MIER3: variants seen among roughly 807,000 people sequenced by gnomAD.
MIER3 encodes the protein MIER family member 3.
Under a neutral mutation model 63.2 loss-of-function variants are expected in MIER3, and 9 were observed. The observed-to-expected ratio is 0.14, with a 90% CI of 0.09 to 0.25. The LOEUF is 0.25. Among genes scored for constraint, MIER3 ranks in the 10% least tolerant of loss-of-function variants. The probability of loss-of-function intolerance (pLI) is 1.00; values close to 1 mark genes in which losing one functional copy is unlikely to be tolerated. For synonymous variants in MIER3, 205 were observed against 224.9 expected, an observed-to-expected ratio of 0.91 and a Z score of 0.79; for missense variants, 512 against 666.2, an observed-to-expected ratio of 0.77 and a Z score of 2.55.
rs1294090521 is a variant in MIER3 at position 56,928,752 on chromosome 5, A to C, written c.924+15T>G. The C allele has an allele frequency of 6.3e-7, 1 of 1,574,896 alleles. No homozygotes were observed. The highest frequency in any genetic ancestry group is 8.7e-7 in the Non-Finnish European group (1 of 1,146,160). ...TGTAACTAGTAATTTATCTGTACTA[A>C]TCTGCCTAATTTACCTTATTCTTCT... On this transcript the variant is annotated intron_variant, in intron 10 of 12. Transcript: ENST00000381199.
intron 9 of MIER3, among the ~76,000 whole-genome samples, chr5:56,929,838 T>C (rs1187825275): frequency 6.6e-6 from 1 of 152,182 alleles, no homozygotes; most frequent in Non-Finnish European, 1.5e-5. Flanking sequence ...CTCATCTGTA[T>C]CTCTGAAGTG....
At chr5:56,926,127 T>C (rs1749968702) in intron 10 of MIER3, among the ~76,000 whole-genome samples, 1 of 151,988 alleles carries the variant, frequency 6.6e-6, no homozygotes. Context: ...TAAATGTAAA[T>C]GCAAAACTAT....
In MIER3 at chr5:56,941,515, C is replaced by CA. The variant is rs112221570; in HGVS notation, c.181-2499dup. ...CCAGTCCCATGAAGAGTATTCCAGG[C>CA]AAAAAAAAAAGACATATGTGAGGCC... On this transcript the variant is annotated intron_variant, in intron 3 of 12. Transcript: ENST00000381199. The CA allele has an allele frequency of 1.1e-3, 157 of 143,808 alleles. 2 individuals carry two copies. The highest frequency in any genetic ancestry group is 1.1e-3 in the South Asian group (5 of 4,528). The allele number at this position is 143,808 out of a possible 1,614,324, so 8.9% of individuals were successfully genotyped here.
At chr5:56,924,830 A>C (rs1157811526) in intron 10 of MIER3, among the ~76,000 whole-genome samples, 1 of 152,246 alleles carries the variant, frequency 6.6e-6, no homozygotes, top group Non-Finnish European at 1.5e-5. Context: ...CCCGATAAAG[A>C]AGTTTCAGTA....
At chr5:56,927,507 G>C (rs1229371810) in intron 10 of MIER3, among the ~76,000 whole-genome samples, 1 of 152,076 alleles carries the variant, frequency 6.6e-6, no homozygotes, top group East Asian at 1.9e-4. Context: ...GAAATAAACA[G>C]AGCATATTTT....
intron 5 of MIER3, 140 bp from the exon 6 acceptor site, chr5:56,935,891 C>T (rs764759605): frequency 4.3e-5 from 28 of 655,194 alleles, no homozygotes; most frequent in Admixed American, 1.3e-4. Context: ...TTCTCACAAT[C>T]GACATTGGTC....
In MIER3 at chr5:56,923,837, A is replaced by G; in HGVS notation, c.1053-4T>C. ...TACTAAACGATCCATATAGTCCCTG[A>G]AAAACACACCCCAGTAATTTTATGA... On this transcript the variant is annotated splice_region_variant and splice_polypyrimidine_tract_variant and intron_variant, in intron 11 of 12. Transcript: ENST00000381199. The G allele has an allele frequency of 6.2e-7, 1 of 1,614,138 alleles. No homozygotes were observed. Among genetic ancestry groups the G allele is most frequent in the Admixed American group, 1.7e-5 (1 of 60,002 alleles).
chr5:56,925,919 A>C (rs1383687358), intron 10 of MIER3, among the ~76,000 whole-genome samples: 1 of 152,128 alleles, frequency 6.6e-6, no homozygotes, highest in Admixed American at 6.6e-5. Flanking sequence ...AAGGAACAGA[A>C]GAGAGAGCCC....
At chr5:56,951,326 C>T (rs924319913) in intron 1 of MIER3, among the ~76,000 whole-genome samples, 1 of 152,104 alleles carries the variant, frequency 6.6e-6, no homozygotes, top group Non-Finnish European at 1.5e-5. Context: ...CCAGGGGCTC[C>T]TGCCACACCG....
chr5:56,928,728 G>C, intron 10 of MIER3, 39 bp downstream of exon 10: 2 of 1,413,750 alleles, frequency 1.4e-6, no homozygotes, highest in Non-Finnish European at 2.0e-6. Context: ...TACATTCACT[G>C]TAACTAGTAA....
chr5:56,949,667 T>C (rs1364581246), intron 2 of MIER3, among the ~76,000 whole-genome samples: 1 of 152,152 alleles, frequency 6.6e-6, no homozygotes, highest in Non-Finnish European at 1.5e-5. Context: ...CAAAAAGTAA[T>C]AGTGTAAGGA....
At chr5:56,946,638 T>G (rs1196421120) in intron 3 of MIER3, among the ~76,000 whole-genome samples, 1 of 152,132 alleles carries the variant, frequency 6.6e-6, no homozygotes, top group Non-Finnish European at 1.5e-5. Flanking sequence ...AGACTAGGAT[T>G]CAGAAATAAT....
chr5:56,937,475 T>C (rs1042627325), intron 5 of MIER3, 103 bp downstream of exon 5: 54 of 1,177,302 alleles, frequency 4.6e-5, no homozygotes, highest in Middle Eastern at 4.1e-4. Flanking sequence ...CTCAACCACA[T>C]AAAATATTAG....
Position 56,923,252 on chromosome 5 carries a change from T to G in MIER3, c.1529A>C (p.His510Pro), listed in dbSNP as rs1490657513. 3.1e-6 allele frequency: 5 copies of G among 1,614,018 alleles called. No homozygotes were observed. The Admixed American group carries it at 8.3e-5, about 27-fold the overall frequency. Residue 510 changes from histidine (H) to proline (P), a missense_variant, in exon 13 of 13, where the codon CAT (histidine) becomes CCT (proline). His to Pro is a moderately conservative substitution (Grantham distance 77). Coordinates refer to ENST00000381199, the MANE Select transcript of MIER3 (RefSeq NM_001297599.2). Reference sequence around the variant, plus strand: ...AGCCATTTTGGCACTGGTGATGTGATGTGTGTGATTTTCAAAGTCCACACC... The same window carrying G: ...AGCCATTTTGGCACTGGTGATGTGAGGTGTGTGATTTTCAAAGTCCACACC... ...NLGVDFENHT[H>P]HITSAKMAVS...
intron 9 of MIER3, among the ~76,000 whole-genome samples, chr5:56,930,084 T>C (rs1420628988): frequency 6.6e-6 from 1 of 152,118 alleles, no homozygotes; most frequent in Non-Finnish European, 1.5e-5. Context: ...TCTAGTAATA[T>C]TACTAAGTAT....
At chr5:56,930,540 G>T in intron 9 of MIER3, 124 bp downstream of exon 9, 2 of 782,878 alleles carry the variant, frequency 2.6e-6, no homozygotes, top group Non-Finnish European at 2.2e-6. Flanking sequence ...TATTTGCTAT[G>T]GAGCTGAACC....
intron 7 of MIER3, among the ~76,000 whole-genome samples, chr5:56,934,226 T>C (rs147682011): frequency 6.6e-6 from 1 of 152,154 alleles, no homozygotes; most frequent in Non-Finnish European, 1.5e-5. Flanking sequence ...GGGACCATGA[T>C]AAGGGCATTA....
chr5:56,937,798 C>T (rs1750502429), intron 4 of MIER3, 100 bp from the exon 5 acceptor site: 1 of 966,342 alleles, frequency 1.0e-6, no homozygotes, highest in Non-Finnish European at 1.4e-6. Flanking sequence ...GCAGTTGGAA[C>T]CTTATGAGAG....
At chr5:56,933,544 T>C in intron 7 of MIER3, 146 bp from the exon 8 acceptor site, 2 of 725,566 alleles carry the variant, frequency 2.8e-6, no homozygotes, top group Non-Finnish European at 4.2e-6. Context: ...ATCCGTTAAG[T>C]AGGGCCTTTC....
Sources: allele counts gnomAD v4.1 joint callset (sites outside exome capture counted in the v4.1 genomes callset), GRCh38; gene constraint gnomAD v4.1.1; transcripts MANE v1.5; gene names NCBI Gene and HGNC (gene_info 2026-07-23, HGNC 2026-07-21).